MBP: variants seen among roughly 807,000 people sequenced by gnomAD.
The protein encoded by MBP is myelin basic protein, also known as Golli-MBP.
MBP carries 16 observed loss-of-function variants against 35.8 expected under a neutral mutation model. The observed-to-expected ratio is 0.45, with a 90% confidence interval of 0.30 to 0.68. The LOEUF (loss-of-function observed/expected upper bound fraction) is 0.68, where lower values mean the gene tolerates loss of function less well. MBP is among the 30% of genes least tolerant of loss of function. The pLI is 0.08. For missense variants in MBP, 380 were observed against 404.7 expected (o/e 0.94, Z 0.52); for synonymous variants, 143 against 159.6 (o/e 0.90, Z 0.78).
intron 2 of MBP, among the ~76,000 whole-genome samples, chr18:77,069,492 C>T (rs985870677): frequency 1.6e-4 from 25 of 152,194 alleles, no homozygotes; most frequent in Non-Finnish European, 1.9e-4. Context: ...TTTCTTCATG[C>T]TTAATGTCTC....
At chr18:77,128,117 A>G (rs1331726274) in intron 1 of MBP, among the ~76,000 whole-genome samples, 1 of 152,216 alleles carries the variant, frequency 6.6e-6, no homozygotes, top group Non-Finnish European at 1.5e-5. Context: ...GCAATAACCA[A>G]AACCTGGAAA....
At chr18:77,046,139 A>G (rs2144661548) in intron 3 of MBP, among the ~76,000 whole-genome samples, 1 of 152,358 alleles carries the variant, frequency 6.6e-6, no homozygotes, top group Non-Finnish European at 1.5e-5. Context: ...GAATGTTGGT[A>G]TTTATGTAGC....
intron 2 of MBP, among the ~76,000 whole-genome samples, chr18:77,068,342 T>C (rs1401547314): frequency 6.6e-6 from 1 of 152,202 alleles, no homozygotes; most frequent in African/African-American, 2.4e-5. Context: ...TTTGACCTTC[T>C]GAGCAATCAG....
At chr18:77,127,147 T>C (rs1373934272) in intron 1 of MBP, 1 of 152,212 alleles carries the variant, frequency 6.6e-6, no homozygotes, top group Non-Finnish European at 1.5e-5. Flanking sequence ...GCAACTACAG[T>C]AATCAAGACA....
chr18:76,984,702 T>C (rs928860975), intron 8 of MBP, 73 bp downstream of exon 8: 6 of 1,605,440 alleles, frequency 3.7e-6, no homozygotes, highest in Non-Finnish European at 5.1e-6. Context: ...CAGCCACCCT[T>C]GTACTCAGCT....
chr18:77,046,576 C>T lies in MBP; in HGVS notation c.139+19722G>A, dbSNP rs1454113398. On this transcript the variant is annotated intron_variant, in intron 3 of 8. Coordinates refer to ENST00000355994, the MANE Select transcript of MBP (RefSeq NM_001025101.2). ...CCTCCTGACAAACCAGCTGTCTTCC[C>T]TGCACCTCTGGTCTGGCAGCTGCAG... is the stretch of plus-strand genomic sequence containing the variant. Among the ~76,000 whole-genome samples the T allele has an allele frequency of 2.0e-5, 3 of 152,370 alleles. No homozygotes were observed. In the East Asian group the frequency reaches 5.8e-4, roughly 29 times the overall value.
In MBP at chr18:76,988,849, GATCA is replaced by G. The variant is rs1969724138; in HGVS notation, c.717+24_717+27del. ...AGAGAAGGTCTATCAGAAAAGTGATGATCAATCAAAACATTCCAAGGTCTTACCT... is the reference window on the plus strand; with the variant it reads ...AGAGAAGGTCTATCAGAAAAGTGATGATCAAAACATTCCAAGGTCTTACCT... On this transcript the variant is annotated intron_variant, in intron 6 of 8. Coordinates refer to ENST00000355994, the MANE Select transcript of MBP (RefSeq NM_001025101.2). The surrounding 1 kb of genome is among the most constrained non-coding windows in gnomAD (Gnocchi z 5.2). The G allele has an allele frequency of 1.2e-6, 2 of 1,604,340 alleles. No homozygotes were observed.
At position 76,980,001 on chromosome 18, in the gene MBP, C is replaced by T. The variant is rs1364399869; in HGVS notation, c.*426G>A. 1.4e-6 allele frequency: 1 copy of T among 702,654 alleles called. No individual in the cohort carries two copies. Among genetic ancestry groups the T allele is most frequent in the Admixed American group, 2.0e-5 (1 of 50,022 alleles). The allele number at this position is 702,654 out of a possible 1,614,324, so 43.5% of individuals were successfully genotyped here. A position where few individuals can be genotyped will look rare whatever the true frequency, so the allele number is the denominator to read the frequency against. On this transcript the variant is annotated 3_prime_UTR_variant, in exon 9 of 9. Transcript: ENST00000355994. Reference sequence around the variant, plus strand: ...GAAGCTTGGATGTCAACAGTCCTCTCTGCCGCCCACGTCCTCTCTGTCTCT... The same window carrying T: ...GAAGCTTGGATGTCAACAGTCCTCTTTGCCGCCCACGTCCTCTCTGTCTCT...
chr18:77,084,347 A>T (rs1452347266), intron 2 of MBP, among the ~76,000 whole-genome samples: 5 of 151,680 alleles, frequency 3.3e-5, no homozygotes, highest in Admixed American at 6.6e-5. Flanking sequence ...TAAATGCCTG[A>T]TGACAAGAGC....
chr18:76,985,730 G>T, intron 7 of MBP: 1 of 1,006,460 alleles, frequency 9.9e-7, no homozygotes, highest in South Asian at 4.1e-5. Context: ...CTTGGGCAAG[G>T]GCAGGAACCT....
chr18:77,061,937 A>C (rs1459748373), intron 3 of MBP, among the ~76,000 whole-genome samples: 1 of 152,216 alleles, frequency 6.6e-6, no homozygotes, highest in Admixed American at 6.5e-5. Flanking sequence ...GTTTGCCCTT[A>C]CATGCTGTGC....
intron 2 of MBP, among the ~76,000 whole-genome samples, chr18:77,082,614 C>A (rs1974997614): frequency 6.6e-6 from 1 of 151,958 alleles, no homozygotes; most frequent in African/African-American, 2.4e-5. Flanking sequence ...ATAGCCAGGA[C>A]CCAGTGAGAT....
chr18:77,066,475 T>G, intron 2 of MBP, 90 bp from the exon 3 acceptor site: 1 of 874,268 alleles, frequency 1.1e-6, no homozygotes, highest in Admixed American at 1.8e-5. Flanking sequence ...TTTATAAATT[T>G]TTTATCAGAT....
chr18:76,998,716 GGTGGCTTGGCTGAGAAGTACAGCCCT>G (rs1298870871), intron 4 of MBP, among the ~76,000 whole-genome samples: 4 of 152,130 alleles, frequency 2.6e-5, no homozygotes, highest in African/African-American at 9.7e-5. Flanking sequence ...ACAGTGTTAG[GGTGGCTTGGCTGAGAAGTACAGCCCT>G]GTGTCTGCCC....
At chr18:77,057,413 A>G (rs1206309916) in intron 3 of MBP, among the ~76,000 whole-genome samples, 1 of 152,174 alleles carries the variant, frequency 6.6e-6, no homozygotes, top group Non-Finnish European at 1.5e-5. Context: ...ATGCTATTTC[A>G]CAAAATGGGT....
At chr18:77,066,467 TATAAATTTTTTATCA>T in intron 2 of MBP, 82 bp from the exon 3 acceptor site, 1 of 916,400 alleles carries the variant, frequency 1.1e-6, no homozygotes, top group South Asian at 1.3e-5. Context: ...TTTGTCTCTT[TATAAATTTTTTATCA>T]GATAATCAGT....
intron 3 of MBP, among the ~76,000 whole-genome samples, chr18:77,043,314 C>T (rs1395216987): frequency 2.6e-5 from 4 of 152,204 alleles, no homozygotes; most frequent in Non-Finnish European, 5.9e-5. Context: ...AGAAAGTCAA[C>T]ATCTCCATGT....
At chr18:77,105,324 T>C in intron 1 of MBP, 38 bp from the exon 2 acceptor site, 1 of 1,306,198 alleles carries the variant, frequency 7.7e-7, no homozygotes, top group Middle Eastern at 1.8e-4. Context: ...CTAAGTCTAG[T>C]GCTCTTAGAG....
chr18:77,010,013 G>A (rs1971252764), intron 4 of MBP: 1 of 954,668 alleles, frequency 1.0e-6, no homozygotes, highest in Non-Finnish European at 1.6e-6. Flanking sequence ...CTCCTCTAGA[G>A]CTGGCTTGGC....
Sources: allele counts gnomAD v4.1 joint callset (sites outside exome capture counted in the v4.1 genomes callset), GRCh38; gene constraint gnomAD v4.1.1; non-coding constraint Gnocchi (gnomAD v3.1); transcripts MANE v1.5; gene names NCBI Gene and HGNC (gene_info 2026-07-23, HGNC 2026-07-21).